CMSS1: variants seen among roughly 807,000 people sequenced by gnomAD.
The protein encoded by CMSS1 is cms1 ribosomal small subunit homolog.
Under a neutral mutation model 43.5 loss-of-function variants are expected in CMSS1, and 33 were observed. The ratio of observed to expected loss-of-function variants is 0.76; its 90% CI spans 0.57 to 1.01. The LOEUF (loss-of-function observed/expected upper bound fraction) is 1.01, where lower values mean the gene tolerates loss of function less well. Among genes scored for constraint, CMSS1 ranks in the 50% least tolerant of loss-of-function variants. The probability of loss-of-function intolerance (pLI) is 0.00; values close to 1 mark genes in which losing one functional copy is unlikely to be tolerated. For missense variants in CMSS1, 313 were observed against 326.4 expected, an observed-to-expected ratio of 0.96 and a Z score of 0.32; for synonymous variants, 115 against 117.2, an observed-to-expected ratio of 0.98 and a Z score of 0.12.
At chr3:100,017,694 C>A (rs9810235) in intron 1 of CMSS1, among the ~76,000 whole-genome samples, 13 of 150,622 alleles carry the variant, frequency 8.6e-5, no homozygotes, top group African/African-American at 3.2e-4. Flanking sequence ...GGAGGCCCAG[C>A]GGGGAGGATC....
intron 1 of CMSS1, among the ~76,000 whole-genome samples, chr3:99,845,703 G>A (rs1177803454): frequency 2.0e-5 from 3 of 152,088 alleles, no homozygotes; most frequent in Non-Finnish European, 2.9e-5. Flanking sequence ...GTCATTTTAG[G>A]TGTAATTCTA....
At chr3:99,984,052 A>ATGTGTG (rs34256109) in intron 1 of CMSS1, among the ~76,000 whole-genome samples, 1 of 151,166 alleles carries the variant, frequency 6.6e-6, no homozygotes. Flanking sequence ...ATGTATATGT[A>ATGTGTG]TGTGTGTTTG....
At chr3:99,905,433 C>T (rs114700741) in intron 1 of CMSS1, among the ~76,000 whole-genome samples, 118 of 152,242 alleles carry the variant, frequency 7.8e-4, no homozygotes, top group African/African-American at 2.7e-3. Context: ...GTCATCAGGG[C>T]CCACAGCAAT....
At chr3:100,030,823 A>G (rs942376785) in intron 1 of CMSS1, among the ~76,000 whole-genome samples, 2 of 152,214 alleles carry the variant, frequency 1.3e-5, no homozygotes, top group African/African-American at 4.8e-5. Context: ...GCTTTGGTCA[A>G]TTTATAACCT....
chr3:100,004,427 A>G (rs535923361), intron 1 of CMSS1, among the ~76,000 whole-genome samples: 5 of 152,334 alleles, frequency 3.3e-5, no homozygotes, highest in African/African-American at 1.2e-4. Flanking sequence ...CTGTGTTACC[A>G]CTGAAACCAA....
intron 1 of CMSS1, among the ~76,000 whole-genome samples, chr3:99,941,789 T>C (rs908645581): frequency 2.0e-5 from 3 of 152,092 alleles, no homozygotes; most frequent in African/African-American, 7.2e-5. Context: ...TTGGAAAAAA[T>C]ATATTGATTT....
chr3:99,869,155 TCTGGAAGGAGAAC>T (rs1175985044), intron 1 of CMSS1, among the ~76,000 whole-genome samples: 2 of 152,220 alleles, frequency 1.3e-5, no homozygotes, highest in African/African-American at 4.8e-5. Context: ...TCTTGTCACT[TCTGGAAGGAGAAC>T]CATTTAGTGA....
intron 1 of CMSS1, among the ~76,000 whole-genome samples, chr3:100,126,893 G>A (rs2066667684): frequency 6.6e-6 from 1 of 152,082 alleles, no homozygotes; most frequent in Non-Finnish European, 1.5e-5. Context: ...AGCTACTCAG[G>A]AGGCTGAGGC....
intron 1 of CMSS1, among the ~76,000 whole-genome samples, chr3:99,993,227 T>C (rs1017170717): frequency 6.6e-6 from 1 of 152,056 alleles, no homozygotes; most frequent in African/African-American, 2.4e-5. Flanking sequence ...AGAGATTACA[T>C]TGAATATTAT....
At chr3:100,160,807 C>G (rs2067016726) in intron 3 of CMSS1, among the ~76,000 whole-genome samples, 1 of 152,196 alleles carries the variant, frequency 6.6e-6, no homozygotes, top group Non-Finnish European at 1.5e-5. Flanking sequence ...GAGTCCAGAG[C>G]TATCCTCCCC....
chr3:99,909,721 ATAACT>A (rs1478991405), intron 1 of CMSS1, among the ~76,000 whole-genome samples: 2 of 152,232 alleles, frequency 1.3e-5, no homozygotes, highest in Admixed American at 6.5e-5. Context: ...TTAACTCATA[ATAACT>A]TAAAGTTGCT....
At chr3:100,156,027 C>A (rs1192568303) in intron 2 of CMSS1, among the ~76,000 whole-genome samples, 1 of 152,090 alleles carries the variant, frequency 6.6e-6, no homozygotes, top group African/African-American at 2.4e-5. Context: ...GGCTTTCAAT[C>A]TGGAGTTTTA....
chr3:100,056,904 TGA>T, intron 1 of CMSS1, among the ~76,000 whole-genome samples: 1 of 152,056 alleles, frequency 6.6e-6, no homozygotes, highest in South Asian at 2.1e-4. Flanking sequence ...CTCGGGAGGC[TGA>T]GGCAGGAGAA....
chr3:99,926,767 G>A (rs1363244712), intron 1 of CMSS1, among the ~76,000 whole-genome samples: 5 of 152,170 alleles, frequency 3.3e-5, no homozygotes, highest in African/African-American at 4.8e-5. Flanking sequence ...ACCAAAGAGA[G>A]AAAATAGAAG....
intron 1 of CMSS1, among the ~76,000 whole-genome samples, chr3:99,918,283 TTA>T (rs1707017764): frequency 6.6e-6 from 1 of 152,124 alleles, no homozygotes; most frequent in African/African-American, 2.4e-5. Context: ...GCCCCTTGTT[TTA>T]TATACCAGAA....
At chr3:100,098,900 G>A (rs1359330253) in intron 1 of CMSS1, among the ~76,000 whole-genome samples, 3 of 152,132 alleles carry the variant, frequency 2.0e-5, no homozygotes, top group Admixed American at 1.3e-4. Flanking sequence ...TTCATTGCCT[G>A]GAACTAGATA....
At chr3:100,064,463 C>G (rs2065628284) in intron 1 of CMSS1, among the ~76,000 whole-genome samples, 1 of 152,078 alleles carries the variant, frequency 6.6e-6, no homozygotes, top group South Asian at 2.1e-4. Context: ...TTGCCAGCCC[C>G]TTACTGCATT....
At chr3:99,862,952 C>T (rs1478787322) in intron 1 of CMSS1, among the ~76,000 whole-genome samples, 9 of 152,216 alleles carry the variant, frequency 5.9e-5, no homozygotes, top group Non-Finnish European at 1.2e-4. Flanking sequence ...CAAAGCCTCA[C>T]TGATGCTCTG....
intron 1 of CMSS1, among the ~76,000 whole-genome samples, chr3:100,102,941 G>A (rs567896477): frequency 2.6e-5 from 4 of 152,316 alleles, no homozygotes; most frequent in South Asian, 2.1e-4. Flanking sequence ...ATAGCAGATT[G>A]GCAAGAGCAG....
Sources: allele counts gnomAD v4.1 joint callset (sites outside exome capture counted in the v4.1 genomes callset), GRCh38; gene constraint gnomAD v4.1.1; transcripts MANE v1.5; gene names NCBI Gene and HGNC (gene_info 2026-07-23, HGNC 2026-07-21).